The following RXFP1 variants were observed in gnomAD, a reference collection of about 807,000 sequenced individuals.
The protein encoded by RXFP1 is relaxin receptor 1.
In RXFP1, 73 loss-of-function variants were observed where a neutral mutation model predicts 89.8. The observed-to-expected ratio is 0.81, with a 90% CI of 0.67 to 0.99. The LOEUF (loss-of-function observed/expected upper bound fraction) is 0.99, where lower values mean the gene tolerates loss of function less well. RXFP1 is among the 50% of genes least tolerant of loss of function. RXFP1 has a pLI of 0.00. For synonymous variants in RXFP1, 277 were observed against 305.5 expected, an observed-to-expected ratio of 0.91 and a Z score of 0.97; for missense variants, 793 against 895.5, an observed-to-expected ratio of 0.89 and a Z score of 1.46.
At chr4:158,638,130 A>G (rs375213887) in intron 13 of RXFP1, 51 bp downstream of exon 13, 28 of 994,338 alleles carry the variant, frequency 2.8e-5, no homozygotes, top group African/African-American at 1.3e-4. Context: ...TTTTTTAAAT[A>G]CTAACAATGT....
At position 158,521,920 on chromosome 4, in the gene RXFP1, A is replaced by G; in HGVS notation, c.-57A>G. The G allele has an allele frequency of 2.4e-6, 3 of 1,273,112 alleles. No homozygotes were observed. Among genetic ancestry groups the G allele is most frequent in the Non-Finnish European group, 2.3e-6 (2 of 876,508 alleles). The allele number at this position is 1,273,112 out of a possible 1,614,324, so 78.9% of individuals were successfully genotyped here. On this transcript the variant is annotated 5_prime_UTR_variant, in exon 1 of 18. Coordinates refer to ENST00000307765, the MANE Select transcript of RXFP1 (RefSeq NM_021634.4). ...AACCACTGTGAGCTGTATGCGATTCAGAAACCAAGACCAAATTTTGCTCAC... is the reference window on the plus strand; with the variant it reads ...AACCACTGTGAGCTGTATGCGATTCGGAAACCAAGACCAAATTTTGCTCAC...
intron 1 of RXFP1, among the ~76,000 whole-genome samples, chr4:158,557,813 C>G (rs1751627565): frequency 6.6e-6 from 1 of 152,206 alleles, no homozygotes. Flanking sequence ...AATGCCTCAT[C>G]ATTGTCATGG....
chr4:158,629,335 C>G (rs1323310991), intron 11 of RXFP1, among the ~76,000 whole-genome samples: 3 of 152,124 alleles, frequency 2.0e-5, no homozygotes, highest in Non-Finnish European at 4.4e-5. Flanking sequence ...TACCACTTTG[C>G]TGATTTGAAA....
intron 1 of RXFP1, among the ~76,000 whole-genome samples, chr4:158,546,660 AG>A (rs1385091677): frequency 6.6e-6 from 1 of 152,178 alleles, no homozygotes; most frequent in African/African-American, 2.4e-5. Context: ...TTTAGCATGA[AG>A]GGTTGTTGAA....
At chr4:158,614,395 CTGT>C (rs1288237413) in intron 8 of RXFP1, among the ~76,000 whole-genome samples, 1 of 152,176 alleles carries the variant, frequency 6.6e-6, no homozygotes, top group Admixed American at 6.5e-5. Context: ...CATTGAAAAT[CTGT>C]TGTTTAGTGG....
At chr4:158,557,544 G>A (rs1751570312) in intron 1 of RXFP1, among the ~76,000 whole-genome samples, 1 of 152,110 alleles carries the variant, frequency 6.6e-6, no homozygotes, top group South Asian at 2.1e-4. Context: ...AGGCTGGAGG[G>A]CAGTAGTGCA....
Position 158,624,431 on chromosome 4 carries a change from CT to C in RXFP1, c.756-2386del, listed in dbSNP as rs148550407. ...GAGGGAGAATAGACAAGATTATAGT[CT>C]TTGTCTTTTGTTATTGTTGTTATTC... On this transcript the variant is annotated intron_variant, in intron 9 of 17. Transcript: ENST00000307765. Among the ~76,000 whole-genome samples, 1,183 of 152,152 alleles carry C rather than the reference CT, an allele frequency of 7.8e-3. 13 individuals carry two copies. The highest frequency in any genetic ancestry group is 0.027 in the Middle Eastern group (8 of 292).
At chr4:158,639,865 GA>G (rs927956625) in intron 14 of RXFP1, among the ~76,000 whole-genome samples, 44 of 148,728 alleles carry the variant, frequency 3.0e-4, no homozygotes, top group African/African-American at 1.1e-3. Context: ...ATCTCAAAAA[GA>G]AAAAAAAAGA....
At chr4:158,541,540 AT>A (rs1469465521) in intron 1 of RXFP1, among the ~76,000 whole-genome samples, 5 of 152,140 alleles carry the variant, frequency 3.3e-5, no homozygotes, top group Admixed American at 6.6e-5. Flanking sequence ...TCCTAAACTT[AT>A]TTTTTAAAAA....
At chr4:158,564,890 G>A (rs966159094) in intron 1 of RXFP1, among the ~76,000 whole-genome samples, 2 of 152,124 alleles carry the variant, frequency 1.3e-5, no homozygotes, top group African/African-American at 2.4e-5. Flanking sequence ...CTTTCCCAAC[G>A]TTTCCCTATA....
rs539799036 is a variant in RXFP1, at chr4:158,559,838, G to A, written c.50-12860G>A. On this transcript the variant is annotated intron_variant, in intron 1 of 17. Coordinates refer to ENST00000307765, the MANE Select transcript of RXFP1 (RefSeq NM_021634.4). ...CACTGATATTAGTGAATTTCCATAA[G>A]CTTGATAGGTGAAATCAAACTATTT... 5.3e-5 allele frequency among the ~76,000 whole-genome samples: 8 copies of A among 152,276 alleles called. No individual in the cohort carries two copies. The East Asian group carries it at 1.5e-3, about 29-fold the overall frequency.
intron 1 of RXFP1, among the ~76,000 whole-genome samples, chr4:158,559,583 C>G (rs1752018203): frequency 6.6e-6 from 1 of 152,094 alleles, no homozygotes; most frequent in African/African-American, 2.4e-5. Context: ...TTTTCATATA[C>G]CTATTACTTA....
chr4:158,589,440 A>C (rs2150055161), intron 2 of RXFP1, among the ~76,000 whole-genome samples: 1 of 152,270 alleles, frequency 6.6e-6, no homozygotes, highest in South Asian at 2.1e-4. Context: ...TTGGTATGTC[A>C]GTCTTCTCTA....
intron 14 of RXFP1, 101 bp from the exon 15 acceptor site, chr4:158,644,808 G>A: frequency 1.3e-6 from 1 of 788,062 alleles, no homozygotes; most frequent in Non-Finnish European, 2.0e-6. Flanking sequence ...TTCATCTTAA[G>A]ACATTTTCTT....
chr4:158,589,294 CAAACCATATCAG>C (rs1189851626), intron 2 of RXFP1, among the ~76,000 whole-genome samples: 1 of 152,136 alleles, frequency 6.6e-6, no homozygotes, highest in East Asian at 1.9e-4. Flanking sequence ...AGGACACAGC[CAAACCATATCAG>C]ATACCCATAT....
At chr4:158,650,788 A>G (rs1772554011) in intron 17 of RXFP1, among the ~76,000 whole-genome samples, 1 of 152,180 alleles carries the variant, frequency 6.6e-6, no homozygotes, top group East Asian at 1.9e-4. Flanking sequence ...AAACAATTGT[A>G]TATATTAATA....
chr4:158,644,794 C>G, intron 14 of RXFP1, 115 bp from the exon 15 acceptor site: 1 of 713,622 alleles, frequency 1.4e-6, no homozygotes, highest in Non-Finnish European at 2.3e-6. Context: ...TTAGTCCTCT[C>G]AATTTCATCT....
At chr4:158,572,938 T>C in intron 2 of RXFP1, 103 bp downstream of exon 2, 2 of 1,472,592 alleles carry the variant, frequency 1.4e-6, no homozygotes, top group Non-Finnish European at 1.8e-6. Context: ...TAAATTGAAA[T>C]ACAAAACATA....
chr4:158,535,058 G>T (rs1331008693), intron 1 of RXFP1, among the ~76,000 whole-genome samples: 1 of 151,406 alleles, frequency 6.6e-6, no homozygotes, highest in Non-Finnish European at 1.5e-5. Context: ...ATTAACAGGT[G>T]AACAAGCTAG....
Sources: allele counts gnomAD v4.1 joint callset (sites outside exome capture counted in the v4.1 genomes callset), GRCh38; gene constraint gnomAD v4.1.1; transcripts MANE v1.5; gene names NCBI Gene and HGNC (gene_info 2026-07-23, HGNC 2026-07-21).